EYS: variants seen among roughly 807,000 people sequenced by gnomAD.
The protein encoded by EYS is EGF-like photoreceptor maintenance factor.
Under a neutral mutation model 282.1 loss-of-function variants are expected in EYS, and 250 were observed. The ratio of observed to expected loss-of-function variants is 0.89; its 90% CI spans 0.80 to 0.98. The LOEUF (loss-of-function observed/expected upper bound fraction) is 0.98, where lower values mean the gene tolerates loss of function less well. Ranked by LOEUF, EYS falls within the 50% of genes least tolerant of loss-of-function variation. The pLI is 0.00. For missense variants in EYS, 4,016 were observed against 3,709.0 expected (o/e 1.08, Z -2.15); for synonymous variants, 1,355 against 1,282.9 (o/e 1.06, Z -1.20).
At chr6:63,891,069 C>T (rs1379780403) in intron 35 of EYS, among the ~76,000 whole-genome samples, 1 of 152,158 alleles carries the variant, frequency 6.6e-6, no homozygotes, top group Non-Finnish European at 1.5e-5. Context: ...AGACCAATAA[C>T]AAGTTCTGAA....
At chr6:64,725,476 G>T (rs1262230417) in intron 22 of EYS, among the ~76,000 whole-genome samples, 1 of 151,872 alleles carries the variant, frequency 6.6e-6, no homozygotes, top group African/African-American at 2.4e-5. Flanking sequence ...AAGGCATTAT[G>T]AGCTCAACTG....
intron 18 of EYS, among the ~76,000 whole-genome samples, chr6:64,887,390 C>A (rs1251354016): frequency 6.6e-6 from 1 of 151,828 alleles, no homozygotes; most frequent in Non-Finnish European, 1.5e-5. Flanking sequence ...TGTAACAAAT[C>A]TGCACGTTGT....
chr6:64,801,858 T>C (rs1410604808), intron 22 of EYS, among the ~76,000 whole-genome samples: 1 of 151,992 alleles, frequency 6.6e-6, no homozygotes, highest in Non-Finnish European at 1.5e-5. Context: ...CCGTCTTAAC[T>C]AGTCGCTGAG....
At position 64,639,679 on chromosome 6, in the gene EYS, CA is replaced by C; in HGVS notation, c.3444-13435del. On this transcript the variant is annotated intron_variant, in intron 22 of 42. Coordinates refer to ENST00000503581, the MANE Select transcript of EYS (RefSeq NM_001142800.2). ...GGCAAGGACTTCATGTCTAAAACAC[CA>C]AAAGCAATGGCAACAAAAGACAAAA... Among the ~76,000 whole-genome samples, 2 of 90,466 alleles carry C rather than the reference CA, an allele frequency of 2.2e-5. 1 individual carries two copies. Among genetic ancestry groups the C allele is most frequent in the East Asian group, 4.9e-4 (2 of 4,088 alleles). The allele number at this position is 90,466 out of a possible 152,430, so 59.3% of individuals were successfully genotyped here. A position where few individuals can be genotyped will look rare whatever the true frequency, so the allele number is the denominator to read the frequency against.
intron 13 of EYS, among the ~76,000 whole-genome samples, chr6:65,025,337 A>C (rs1339926026): frequency 1.3e-5 from 2 of 152,312 alleles, no homozygotes; most frequent in East Asian, 1.9e-4. Context: ...TGCACATATC[A>C]TGTCTACTAA....
intron 7 of EYS, among the ~76,000 whole-genome samples, chr6:65,396,110 G>A (rs372597726): frequency 6.6e-5 from 10 of 152,196 alleles, no homozygotes; most frequent in African/African-American, 2.4e-4. Context: ...GCCAAGGCAT[G>A]GAGAACACCT....
At chr6:64,394,168 G>T (rs1297398818) in intron 28 of EYS, among the ~76,000 whole-genome samples, 1 of 152,140 alleles carries the variant, frequency 6.6e-6, no homozygotes, top group Non-Finnish European at 1.5e-5. Context: ...CATGCTCATG[G>T]GTAGGAAGAA....
At position 63,892,310 on chromosome 6, in the gene EYS, C is replaced by T. The variant is rs185426789; in HGVS notation, c.7056-27952G>A. ...CAAAAGAACAAAGCTGGAGGCATCA[C>T]ACTACCTGACTTCAAATTAATCTAC... On this transcript the variant is annotated intron_variant, in intron 35 of 42. Transcript: ENST00000503581. Among the ~76,000 whole-genome samples the T allele has an allele frequency of 6.5e-3, 996 of 152,250 alleles. 11 individuals are homozygous for T. Among genetic ancestry groups the T allele is most frequent in the African/African-American group, 0.022 (912 of 41,548 alleles).
intron 38 of EYS, 61 bp from the exon 39 acceptor site, chr6:63,788,310 G>T: frequency 7.5e-7 from 1 of 1,325,514 alleles, no homozygotes. Flanking sequence ...GAAATGTTAA[G>T]ATACTCTTTT....
At chr6:65,606,271 G>A (rs1185533021) in intron 2 of EYS, among the ~76,000 whole-genome samples, 1 of 151,532 alleles carries the variant, frequency 6.6e-6, no homozygotes, top group Non-Finnish European at 1.5e-5. Flanking sequence ...ACACAAATGT[G>A]AAATGATCAC....
At chr6:64,609,324 G>A (rs1056497256) in intron 24 of EYS, among the ~76,000 whole-genome samples, 21 of 152,168 alleles carry the variant, frequency 1.4e-4, no homozygotes, top group Admixed American at 2.0e-4. Context: ...GTAGAATTGG[G>A]ATAGTGGGCA....
intron 26 of EYS, among the ~76,000 whole-genome samples, chr6:64,449,552 T>C (rs1775244167): frequency 6.6e-6 from 1 of 152,026 alleles, no homozygotes; most frequent in Admixed American, 6.6e-5. Context: ...GACACATAAT[T>C]GTCAGATTCA....
At chr6:64,970,140 A>G in intron 14 of EYS, among the ~76,000 whole-genome samples, 1 of 147,274 alleles carries the variant, frequency 6.8e-6, no homozygotes, top group East Asian at 2.1e-4. Flanking sequence ...TGCCAAGCCT[A>G]GAAATACAAA....
chr6:64,736,935 C>T (rs958998659), intron 22 of EYS, among the ~76,000 whole-genome samples: 3 of 152,080 alleles, frequency 2.0e-5, no homozygotes, highest in African/African-American at 4.8e-5. Flanking sequence ...TTCTAGGAAA[C>T]AGAAGAATAC....
chr6:64,108,188 T>C (rs1413249869), intron 31 of EYS, among the ~76,000 whole-genome samples: 3 of 152,218 alleles, frequency 2.0e-5, no homozygotes, highest in Middle Eastern at 3.4e-3. Context: ...GTGAGGACCC[T>C]CCTATGTTTG....
chr6:65,321,968 G>T (rs1046315658), intron 11 of EYS, among the ~76,000 whole-genome samples: 1 of 152,120 alleles, frequency 6.6e-6, no homozygotes, highest in East Asian at 1.9e-4. Flanking sequence ...TTATTTGTGT[G>T]GCAGGATGCT....
At chr6:64,317,151 G>A (rs1306574953) in intron 29 of EYS, among the ~76,000 whole-genome samples, 4 of 151,918 alleles carry the variant, frequency 2.6e-5, no homozygotes, top group African/African-American at 7.3e-5. Flanking sequence ...ACATAGGCAT[G>A]GCAAAGACTT....
chr6:65,321,029 A>G (rs1769460231), intron 11 of EYS, among the ~76,000 whole-genome samples: 1 of 152,194 alleles, frequency 6.6e-6, no homozygotes, highest in African/African-American at 2.4e-5. Context: ...ATACCCTAGA[A>G]ATATACTAAA....
intron 12 of EYS, among the ~76,000 whole-genome samples, chr6:65,075,131 G>A (rs771102296): frequency 3.0e-4 from 46 of 151,858 alleles, no homozygotes; most frequent in Non-Finnish European, 5.0e-4. Context: ...TTTAAGTTGA[G>A]AACATGAGTT....
Sources: gnomAD v4.1 joint callset for allele counts (sites outside exome capture counted in the v4.1 genomes callset) on GRCh38, gnomAD v4.1.1 for gene constraint, MANE v1.5 for transcripts, NCBI Gene and HGNC (gene_info 2026-07-23, HGNC 2026-07-21) for gene names.